The following BACH1 variants were observed in gnomAD, a reference collection of about 807,000 sequenced individuals.
BACH1 encodes transcription regulator protein BACH1.
BACH1 carries 35 observed loss-of-function variants against 52.9 expected under a neutral mutation model. That is an observed-to-expected ratio of 0.66 (90% confidence interval 0.51 to 0.88). BACH1 has a LOEUF of 0.88. Ranked by LOEUF, BACH1 falls within the 40% of genes least tolerant of loss-of-function variation. The pLI is 0.00. For missense variants in BACH1, 808 were observed against 872.6 expected (o/e 0.93, Z 0.93); for synonymous variants, 321 against 319.6 (o/e 1.00, Z -0.05).
At chr21:29,357,193 C>G (rs532177017) in intron 2 of BACH1, among the ~76,000 whole-genome samples, 158 of 152,322 alleles carry the variant, frequency 1.0e-3, no homozygotes, top group African/African-American at 3.7e-3. Flanking sequence ...GCCACTAGTT[C>G]TGCTAACGGG....
At position 29,352,258 on chromosome 21, in the gene BACH1, TG is replaced by T. The variant is rs1234442351; in HGVS notation, c.472+22567del. 2.0e-5 allele frequency among the ~76,000 whole-genome samples: 3 copies of T among 152,148 alleles called. No homozygotes were observed. The East Asian group carries it at 5.8e-4, about 29-fold the overall frequency. Reference sequence around the variant, plus strand: ...TTGGTAGAGACGGGGTTTCACGTGTTGGCCAGGCTGGTCTTGAACTCCTGAC... The same window carrying T: ...TTGGTAGAGACGGGGTTTCACGTGTTGCCAGGCTGGTCTTGAACTCCTGAC... On this transcript the variant is annotated intron_variant, in intron 2 of 4. Transcript: ENST00000422809.
In BACH1 at chr21:29,345,467, T is replaced by C. The variant is rs2123481020; in HGVS notation, c.*2634T>C. 3 of 152,364 alleles carry C rather than the reference T, an allele frequency of 2.0e-5. No individual in the cohort carries two copies. The Middle Eastern group carries it at 0.01, about 518-fold the overall frequency. 9.4% of individuals were successfully genotyped at this position (152,364 alleles called of 1,614,324 possible). A position where few individuals can be genotyped will look rare whatever the true frequency, so the allele number is the denominator to read the frequency against. On this transcript the variant is annotated 3_prime_UTR_variant, in exon 5 of 5. Transcript: ENST00000286800. ...CAATGTTTGATGATTTTTTAAAAGC[T>C]GTTATGTTGAATTCAGTAAAATAAC...
chr21:29,342,737 C>T lies in BACH1; in HGVS notation c.2115C>T (p.Thr705=), dbSNP rs376255907. 2.5e-5 allele frequency: 40 copies of T among 1,614,076 alleles called. No individual in the cohort carries two copies. The highest frequency in any genetic ancestry group is 3.2e-5 in the Non-Finnish European group (38 of 1,180,052). Residue 705 remains threonine, a synonymous_variant, in exon 5 of 5, where the codon ACC becomes ACT. Transcript: ENST00000286800. ...AGTCCCAGCAGATGTCCACAGCCACCTCTGAGCAAGCTGGGCCTGCGGAAC... is the reference window on the plus strand; with the variant it reads ...AGTCCCAGCAGATGTCCACAGCCACTTCTGAGCAAGCTGGGCCTGCGGAAC... ...GQESQQMSTA[T]SEQAGPAEQC...
chr21:29,348,983 A>G (rs1437842442), downstream of BACH1, among the ~76,000 whole-genome samples: 1 of 151,854 alleles, frequency 6.6e-6, no homozygotes, highest in Non-Finnish European at 1.5e-5. Context: ...AGTCCCAGCT[A>G]CTCAGGAGAC....
In BACH1 at chr21:29,342,505, C is replaced by G. The variant is rs2089125554; in HGVS notation, c.1883C>G (p.Ala628Gly). ...CTTTGCCAGAAAGTTTGTAAAGAAG[C>G]AGCTCTGAGTCAAGAACAAATACAG... Reference protein sequence around the residue: ...TGLCQKVCKEAALSQEQIQIL... With the variant: ...TGLCQKVCKEGALSQEQIQIL... Residue 628 changes from alanine (A) to glycine (G), a missense_variant, in exon 5 of 5, where the codon GCA becomes GGA. Physicochemically the swap from Ala to Gly is moderately conservative, Grantham distance 60. Transcript: ENST00000286800. 6.2e-7 allele frequency: 1 copy of G among 1,614,106 alleles called. No homozygotes were observed. The highest frequency in any genetic ancestry group is 8.5e-7 in the Non-Finnish European group (1 of 1,180,058).
chr21:29,331,759 T>C (rs1153295), intron 4 of BACH1, among the ~76,000 whole-genome samples: 73 of 152,024 alleles, frequency 4.8e-4, no homozygotes, highest in African/African-American at 1.7e-3. Context: ...CTTTATAGAT[T>C]AGGTGCTTAT....
intron 4 of BACH1, among the ~76,000 whole-genome samples, chr21:29,340,118 C>T (rs2089094459): frequency 6.6e-6 from 1 of 152,226 alleles, no homozygotes; most frequent in Non-Finnish European, 1.5e-5. Context: ...GAGTCCCACT[C>T]ATGACTGTAA....
chr21:29,349,862 G>C (rs1367868456), downstream of BACH1, among the ~76,000 whole-genome samples: 2 of 152,148 alleles, frequency 1.3e-5, no homozygotes, highest in Non-Finnish European at 2.9e-5. Flanking sequence ...CATTAATGCT[G>C]AGCCACTTAG....
rs1177483849 is a variant in BACH1, at chr21:29,345,037, C to A, written c.*2204C>A. ...GCATTAAGGGTTTCTATTAATGACA[C>A]AGAATTATTGGCCAAGTGTAATTTC... On this transcript the variant is annotated 3_prime_UTR_variant, in exon 5 of 5. Transcript: ENST00000286800. 6.6e-6 allele frequency: 1 copy of A among 152,544 alleles called. No homozygotes were observed. The highest frequency in any genetic ancestry group is 1.5e-5 in the Non-Finnish European group (1 of 68,002). The allele number at this position is 152,544 out of a possible 1,614,324, so 9.4% of individuals were successfully genotyped here.
intron 2 of BACH1, chr21:29,359,255 TCA>T (rs1486327584): frequency 1.3e-5 from 2 of 151,850 alleles, no homozygotes; most frequent in Non-Finnish European, 2.9e-5. Flanking sequence ...CCCTTAATCC[TCA>T]CAGTAAAATC....
intron 2 of BACH1, among the ~76,000 whole-genome samples, chr21:29,325,027 G>A (rs913179308): frequency 3.3e-5 from 5 of 152,144 alleles, no homozygotes; most frequent in African/African-American, 4.8e-5. Flanking sequence ...AGGAAATAGA[G>A]ACCATCCTGG....
chr21:29,305,934 TAGAC>T (rs891187534), intron 1 of BACH1, among the ~76,000 whole-genome samples: 12 of 152,344 alleles, frequency 7.9e-5, no homozygotes, highest in East Asian at 1.9e-4. Context: ...TACAGTCTAA[TAGAC>T]AGGCAAACTA....
chr21:29,345,554 CAT>C lies in BACH1; in HGVS notation c.*2724_*2725del, dbSNP rs1283041877. ...TATAGCAAATAATTCGTTAAATTGT[CAT>C]ATTCAAAACAAATGTGGATACAGTC... On this transcript the variant is annotated 3_prime_UTR_variant, in exon 5 of 5. Coordinates refer to ENST00000286800, the MANE Select transcript of BACH1 (RefSeq NM_001186.4). 2.0e-5 allele frequency: 3 copies of C among 152,210 alleles called. No homozygotes were observed. Among genetic ancestry groups the C allele is most frequent in the African/African-American group, 7.3e-5 (3 of 41,374 alleles). The allele number at this position is 152,210 out of a possible 1,614,324, so 9.4% of individuals were successfully genotyped here.
In BACH1 at chr21:29,342,462, A is replaced by G. The variant is rs1421792908; in HGVS notation, c.1840A>G (p.Lys614Glu). 6.2e-7 allele frequency: 1 copy of G among 1,614,242 alleles called. No homozygotes were observed. The highest frequency in any genetic ancestry group is 2.2e-5 in the East Asian group (1 of 44,894). ...DHILSTLGETKQNLTGLCQKV... is the reference protein window; with the variant it reads ...DHILSTLGETEQNLTGLCQKV... Reference sequence around the variant, plus strand: ...CATTTTGTCAACTCTGGGTGAGACAAAGCAGAACCTAACTGGACTTTGCCA... The same window carrying G: ...CATTTTGTCAACTCTGGGTGAGACAGAGCAGAACCTAACTGGACTTTGCCA... The change falls in exon 5 of 5, where the codon AAG becomes GAG. Residue 614 changes from lysine to glutamate, a missense_variant. Coordinates refer to ENST00000286800, the MANE Select transcript of BACH1 (RefSeq NM_001186.4).
chr21:29,325,171 A>C (rs1483768399), intron 2 of BACH1, among the ~76,000 whole-genome samples: 1 of 152,156 alleles, frequency 6.6e-6, no homozygotes, highest in Non-Finnish European at 1.5e-5. Flanking sequence ...CGGAGCTTGC[A>C]GTGAGCCGAG....
downstream of BACH1, among the ~76,000 whole-genome samples, chr21:29,347,291 C>T (rs1373857291): frequency 5.3e-5 from 8 of 152,112 alleles, no homozygotes; most frequent in East Asian, 1.9e-4. Context: ...TCACCTTGGA[C>T]GACCCCAAAA....
intron 2 of BACH1, among the ~76,000 whole-genome samples, chr21:29,353,099 G>C (rs569435355): frequency 1.3e-5 from 2 of 152,188 alleles, no homozygotes; most frequent in African/African-American, 4.8e-5. Flanking sequence ...TGCCTGCCTT[G>C]GCCTCCCAAA....
downstream of BACH1, among the ~76,000 whole-genome samples, chr21:29,346,988 G>A (rs1307420650): frequency 2.0e-5 from 3 of 152,168 alleles, no homozygotes; most frequent in Non-Finnish European, 4.4e-5. Flanking sequence ...ACCAGTGGGT[G>A]TCCCAGCATC....
At chr21:29,323,636 T>C (rs1044514885) in intron 2 of BACH1, among the ~76,000 whole-genome samples, 1 of 152,126 alleles carries the variant, frequency 6.6e-6, no homozygotes, top group African/African-American at 2.4e-5. Context: ...ATGTTAGTCT[T>C]CTCTAGCAAC....
Sources: allele counts gnomAD v4.1 joint callset (sites outside exome capture counted in the v4.1 genomes callset), GRCh38; gene constraint gnomAD v4.1.1; transcripts MANE v1.5; gene names NCBI Gene and HGNC (gene_info 2026-07-23, HGNC 2026-07-21).